CSPG4: variants seen among roughly 807,000 people sequenced by gnomAD.
The protein encoded by CSPG4 is chondroitin sulfate proteoglycan 4, also known as chondroitin sulfate proteoglycan 4 (melanoma-associated).
Under a neutral mutation model 139.3 loss-of-function variants are expected in CSPG4, and 74 were observed. That is an observed-to-expected ratio of 0.53 (90% CI 0.44 to 0.64). The LOEUF (loss-of-function observed/expected upper bound fraction) is 0.64. Ranked by LOEUF, CSPG4 falls within the 30% of genes least tolerant of loss-of-function variation. CSPG4 has a pLI of 0.00. For synonymous variants in CSPG4, 1,234 were observed against 1,394.2 expected, an observed-to-expected ratio of 0.89 and a Z score of 2.56; for missense variants, 2,565 against 3,148.3, an observed-to-expected ratio of 0.81 and a Z score of 4.43.
intron 1 of CSPG4, among the ~76,000 whole-genome samples, chr15:75,709,761 C>T (rs187650563): frequency 2.6e-5 from 4 of 152,182 alleles, no homozygotes; most frequent in Non-Finnish European, 4.4e-5. Flanking sequence ...CCCCTCCTGC[C>T]GTCATCGACA....
intron 1 of CSPG4, among the ~76,000 whole-genome samples, chr15:75,711,751 A>C (rs1183140234): frequency 6.6e-6 from 1 of 152,166 alleles, no homozygotes; most frequent in Non-Finnish European, 1.5e-5. Flanking sequence ...ACTGAATCAC[A>C]CGTGGGTAGT....
chr15:75,685,681 T>C lies in CSPG4; in HGVS notation c.3810A>G (p.Pro1270=), dbSNP rs565874193. Residue 1270 remains proline, a synonymous_variant, in exon 4 of 10, where the codon CCA becomes CCG. Coordinates refer to ENST00000308508, the MANE Select transcript of CSPG4 (RefSeq NM_001897.5). ...TCACTGAGAATACGATGTCTGCAGG[T>C]GGCACTGCCTCCTGGGCTGCCTGGT... The part of the protein sequence containing the change: ...DQLEAAQEAV[P]PADIVFSVKS... 2.3e-4 allele frequency: 365 copies of C among 1,598,990 alleles called. No homozygotes were observed. Among genetic ancestry groups the C allele is most frequent in the Non-Finnish European group, 2.9e-4 (342 of 1,176,740 alleles).
chr15:75,698,289 T>C lies in CSPG4; in HGVS notation c.89-5056A>G, dbSNP rs1224355727. ...GAGGGCCAAGGCCGGGATGAAGGGCTCTCTGTCTCCCCTCATAGGTGTGTA... is the reference window on the plus strand; with the variant it reads ...GAGGGCCAAGGCCGGGATGAAGGGCCCTCTGTCTCCCCTCATAGGTGTGTA... On this transcript the variant is annotated intron_variant, in intron 1 of 9. Transcript: ENST00000308508. The surrounding 1 kb of genome is among the most constrained non-coding windows in gnomAD (Gnocchi z 4.3). 4.0e-5 allele frequency among the ~76,000 whole-genome samples: 6 copies of C among 149,852 alleles called. No homozygotes were observed. The highest frequency in any genetic ancestry group is 1.2e-4 in the African/African-American group (5 of 40,560).
At position 75,696,252 on chromosome 15, in the gene CSPG4, A is replaced by G. The variant is rs1019062495; in HGVS notation, c.89-3019T>C. On this transcript the variant is annotated intron_variant, in intron 1 of 9. Transcript: ENST00000308508. This position sits in a 1 kb window ranked among gnomAD's most constrained non-coding sequence, Gnocchi z 4.2. Reference sequence around the variant, plus strand: ...CCTGATCTAGGAGTTTGCTGTCCATATGGATGTGGGGAAGGTTAATGGCAT... The same window carrying G: ...CCTGATCTAGGAGTTTGCTGTCCATGTGGATGTGGGGAAGGTTAATGGCAT... Among the ~76,000 whole-genome samples, 1 of 151,848 alleles carries G rather than the reference A, an allele frequency of 6.6e-6. No individual in the cohort carries two copies. Among genetic ancestry groups the G allele is most frequent in the East Asian group, 1.9e-4 (1 of 5,156 alleles).
At chr15:75,680,173 G>A (rs1893953816) in intron 8 of CSPG4, 1 of 152,722 alleles carries the variant, frequency 6.5e-6, no homozygotes, top group African/African-American at 2.4e-5. Context: ...GCAGGGCCTG[G>A]GCTAAGGGAG....
Position 75,676,108 on chromosome 15 carries a change from G to C in CSPG4, c.6411C>G (p.Pro2137=), listed in dbSNP as rs367613285. 6.5e-7 allele frequency: 1 copy of C among 1,534,022 alleles called. No individual in the cohort carries two copies. The highest frequency in any genetic ancestry group is 8.7e-7 in the Non-Finnish European group (1 of 1,144,042). ...GCTCCAGAGTGAGACTGTCACCTGC[G>C]GGGCCGGGGGCCCTCCCCTCTGGCC... is the stretch of plus-strand genomic sequence containing the variant. ...VGRPEGRAPG[P]AGDSLTLELW... is the part of the protein sequence containing the mutation. The change falls in exon 10 of 10, where the codon CCC becomes CCG. Residue 2137 remains proline, a synonymous_variant. Transcript: ENST00000308508.
chr15:75,693,210 G>C lies in CSPG4; in HGVS notation c.112C>G (p.Leu38Val). ...AGAGCCGTGGCCACAGGCACCTCCAGGTGGTTCTCACCGAAGAAGGAAGCT... is the reference window on the plus strand; with the variant it reads ...AGAGCCGTGGCCACAGGCACCTCCACGTGGTTCTCACCGAAGAAGGAAGCT... The part of the protein sequence containing the change: ...SAASFFGENH[L>V]EVPVATALTD... The change falls in exon 2 of 10, where the codon CTG (leucine) becomes GTG (valine). Residue 38 changes from leucine to valine, a missense_variant. This residue lies in a region of CSPG4 where 47 missense variants were observed against 48.7 expected (regional missense o/e 0.97). Coordinates refer to ENST00000308508, the MANE Select transcript of CSPG4 (RefSeq NM_001897.5). The C allele has an allele frequency of 6.2e-7, 1 of 1,608,804 alleles. No individual in the cohort carries two copies.
rs1894069750 is a variant in CSPG4 at position 75,687,088 on chromosome 15, G to A, written c.3789+188C>T. Among the ~76,000 whole-genome samples, 1 of 146,386 alleles carries A rather than the reference G, an allele frequency of 6.8e-6. No homozygotes were observed. The highest frequency in any genetic ancestry group is 2.8e-5 in the African/African-American group (1 of 36,014). ...GGCGCACACAACTCCCAGGAGGATGGGTGTATAGCAAGCTCCCCAGAAACT... is the reference window on the plus strand; with the variant it reads ...GGCGCACACAACTCCCAGGAGGATGAGTGTATAGCAAGCTCCCCAGAAACT... On this transcript the variant is annotated intron_variant, in intron 3 of 9. Transcript: ENST00000308508. This position sits in a 1 kb window ranked among gnomAD's most constrained non-coding sequence, Gnocchi z 5.4.
intron 1 of CSPG4, among the ~76,000 whole-genome samples, chr15:75,706,437 G>C (rs988418380): frequency 6.6e-6 from 1 of 151,916 alleles, no homozygotes; most frequent in Admixed American, 6.7e-5. Flanking sequence ...GTATGTGTGT[G>C]TGTGAGTGTG....
Position 75,693,244 on chromosome 15 carries a change from G to C in CSPG4, c.89-11C>G, listed in dbSNP as rs952267468. The C allele has an allele frequency of 2.5e-6, 4 of 1,575,260 alleles. No homozygotes were observed. The highest frequency in any genetic ancestry group is 2.6e-6 in the Non-Finnish European group (3 of 1,160,626). Reference sequence around the variant, plus strand: ...CACCGAAGAAGGAAGCTGTGTGAGAGAGGGAGCTGTGGTCAAGGCTCAGAC... The same window carrying C: ...CACCGAAGAAGGAAGCTGTGTGAGACAGGGAGCTGTGGTCAAGGCTCAGAC... On this transcript the variant is annotated splice_polypyrimidine_tract_variant and intron_variant, in intron 1 of 9. Coordinates refer to ENST00000308508, the MANE Select transcript of CSPG4 (RefSeq NM_001897.5).
Position 75,685,196 on chromosome 15 carries a change from C to G in CSPG4, c.4272+23G>C, listed in dbSNP as rs201477592. 578 of 1,511,300 alleles carry G rather than the reference C, an allele frequency of 3.8e-4. 7 individuals are homozygous for G. The East Asian group carries it at 0.012, about 32-fold the overall frequency. The allele number at this position is 1,511,300 out of a possible 1,614,324, so 93.6% of individuals were successfully genotyped here. On this transcript the variant is annotated intron_variant, in intron 4 of 9. Transcript: ENST00000308508. ...TGCCCCCAGAGCTGGGCTGCAGCCC[C>G]TGGGCCTCTCTCACAGCCATACCAT...
At chr15:75,691,708 C>T (rs1014086124) in intron 2 of CSPG4, among the ~76,000 whole-genome samples, 7 of 152,134 alleles carry the variant, frequency 4.6e-5, no homozygotes, top group Non-Finnish European at 7.3e-5. Flanking sequence ...GTTCTGTCTC[C>T]ATGACATTGA....
rs766990171 is a variant in CSPG4, at chr15:75,676,521, AG to A, written c.5997del (p.Phe2000SerfsTer6). ...HLLVGGRPTSAFSQFQIDQGE... is the reference protein window; with the variant it reads ...HLLVGGRPTSXFSQFQIDQGE... ...CCCTGGTCTATCTGGAATTGGCTGA[AG>A]GCCGAGGTGGGCCGCCCGCCCACCA... On this transcript the variant is annotated frameshift_variant, in exon 10 of 10. Transcript: ENST00000308508. LOFTEE classifies it high-confidence loss of function. The A allele has an allele frequency of 6.2e-7, 1 of 1,613,690 alleles. No individual in the cohort carries two copies. Among genetic ancestry groups the A allele is most frequent in the Non-Finnish European group, 8.5e-7 (1 of 1,180,008 alleles).
chr15:75,675,909 T>TG lies in CSPG4; in HGVS notation c.6609dup (p.Ser2204GlnfsTer3). 6.2e-7 allele frequency: 1 copy of TG among 1,602,272 alleles called. No individual in the cohort carries two copies. Among genetic ancestry groups the TG allele is most frequent in the Non-Finnish European group, 8.5e-7 (1 of 1,179,440 alleles). ...CCCTTGGCCACAGCGGGCTCAGGGC[T>TG]GGATGCCATGGGGCCTGGCTCGCCT... On this transcript the variant is annotated frameshift_variant, in exon 10 of 10. Coordinates refer to ENST00000308508, the MANE Select transcript of CSPG4 (RefSeq NM_001897.5). LOFTEE classifies it high-confidence loss of function.
In CSPG4 at chr15:75,676,202, C is replaced by T. The variant is rs867237767; in HGVS notation, c.6317G>A (p.Gly2106Asp). The change falls in exon 10 of 10, where the codon GGC becomes GAC. Residue 2106 changes from glycine (G) to aspartate (D), a missense_variant. By Grantham distance (94) the Gly-to-Asp change is moderately conservative. This residue lies in a region of CSPG4 where 2,316 missense variants were observed against 2,818.2 expected (regional missense o/e 0.82). Coordinates refer to ENST00000308508, the MANE Select transcript of CSPG4 (RefSeq NM_001897.5). ...RVPRARTEPGGSQLVEQFTQQ... is the reference protein window; with the variant it reads ...RVPRARTEPGDSQLVEQFTQQ... ...AGTGAACTGCTCCACCAGCTGGCTGCCCCCGGGCTCCGTCCTGGCTCGGGG... is the reference window on the plus strand; with the variant it reads ...AGTGAACTGCTCCACCAGCTGGCTGTCCCCGGGCTCCGTCCTGGCTCGGGG... 4 of 1,550,292 alleles carry T rather than the reference C, an allele frequency of 2.6e-6. No individual in the cohort carries two copies. The highest frequency in any genetic ancestry group is 2.4e-5 in the East Asian group (1 of 41,714).
In CSPG4 at chr15:75,689,513, G is replaced by T; in HGVS notation, c.1552C>A (p.Leu518Met). The T allele has an allele frequency of 6.3e-7, 1 of 1,586,166 alleles. No homozygotes were observed. The highest frequency in any genetic ancestry group is 8.5e-7 in the Non-Finnish European group (1 of 1,171,888). Residue 518 changes from leucine (L) to methionine (M), a missense_variant, in exon 3 of 10, where the codon CTG becomes ATG. Transcript: ENST00000308508. ...GCCGTCACCGACACCTCCAGCACCA[G>T]CTGGTCGGAGGTGTCCTCAGAGCCA... ...HDGSEDTSDQ[L>M]VLEVSVTARV...
In CSPG4 at chr15:75,682,987, C is replaced by G. The variant is rs377495164; in HGVS notation, c.4504G>C (p.Gly1502Arg). 6.2e-7 allele frequency: 1 copy of G among 1,611,358 alleles called. No homozygotes were observed. Among genetic ancestry groups the G allele is most frequent in the Non-Finnish European group, 8.5e-7 (1 of 1,179,688 alleles). ...ACCAGATCCTCAGACCCAGAGTCGC[C>G]GTCCGTGCTCCTCAGAGCCTCCGCA... Reference protein sequence around the residue: ...IPAEALRSTDGDSGSEDLVYT... With the variant: ...IPAEALRSTDRDSGSEDLVYT... The change falls in exon 6 of 10, where the codon GGC becomes CGC. Residue 1502 changes from glycine (G) to arginine (R), a missense_variant. By Grantham distance (125) the Gly-to-Arg change is moderately radical. Coordinates refer to ENST00000308508, the MANE Select transcript of CSPG4 (RefSeq NM_001897.5).
intron 9 of CSPG4, 52 bp downstream of exon 9, chr15:75,677,651 G>T: frequency 6.5e-7 from 1 of 1,531,616 alleles, no homozygotes. Context: ...CTCCTCCTGG[G>T]CCTCTCCCAT....
At chr15:75,685,190 C>T (rs374860351) in intron 4 of CSPG4, 29 bp downstream of exon 4, 274 of 1,509,480 alleles carry the variant, frequency 1.8e-4, no homozygotes, top group Non-Finnish European at 2.4e-4. Flanking sequence ...AGCTGGGCTG[C>T]AGCCCCTGGG....
Sources: gnomAD v4.1 joint callset for allele counts (sites outside exome capture counted in the v4.1 genomes callset) on GRCh38, gnomAD v4.1.1 for gene constraint, gnomAD v4.1.1 regional missense constraint, Gnocchi (gnomAD v3.1) non-coding constraint, MANE v1.5 for transcripts, NCBI Gene and HGNC (gene_info 2026-07-23, HGNC 2026-07-21) for gene names.